TMEM64: variants seen among roughly 807,000 people sequenced by gnomAD.
TMEM64 encodes the protein transmembrane protein 64.
A neutral mutation model predicts 24.5 loss-of-function variants in TMEM64; 19 were observed. The observed-to-expected ratio is 0.78, with a 90% CI of 0.54 to 1.14. TMEM64 has a LOEUF of 1.14. Among genes scored for constraint, TMEM64 ranks in the 50% most tolerant of loss-of-function variants. TMEM64 has a pLI of 0.00. For synonymous variants in TMEM64, 262 were observed against 224.7 expected (o/e 1.17, Z -1.49); for missense variants, 487 against 493.0 (o/e 0.99, Z 0.12).
intron 1 of TMEM64, among the ~76,000 whole-genome samples, chr8:90,634,625 A>C (rs960786065): frequency 1.3e-5 from 2 of 152,176 alleles, no homozygotes; most frequent in Non-Finnish European, 2.9e-5. Flanking sequence ...TTTTTCTATA[A>C]TTACTCAAAA....
chr8:90,627,477 C>A (rs1385796301), intron 2 of TMEM64, among the ~76,000 whole-genome samples: 2 of 76,626 alleles, frequency 2.6e-5, no homozygotes, highest in African/African-American at 5.3e-5. Context: ...GGGGCGGGGG[C>A]GGGTGCTTTG....
rs1316095915 is a variant in TMEM64 at position 90,645,834 on chromosome 8, G to T, written c.72C>A (p.Leu24=). 5.5e-6 allele frequency: 6 copies of T among 1,089,066 alleles called. No homozygotes were observed. The highest frequency in any genetic ancestry group is 4.3e-5 in the South Asian group (1 of 23,074). 67.5% of individuals were successfully genotyped at this position (1,089,066 alleles called of 1,614,324 possible). Residue 24 remains leucine (L), a synonymous_variant, in exon 1 of 3, where the codon CTC becomes CTA. Transcript: ENST00000458549. The surrounding 1 kb of genome is among the most constrained non-coding windows in gnomAD (Gnocchi z 4.2). ...RLLQHAALPG[L]AELPARWALP... ...GGGCCCAGCGGGCCGGCAGCTCGGC[G>T]AGGCCCGGGAGGGCGGCGTGCTGCA...
Position 90,625,471 on chromosome 8 carries a change from A to G in TMEM64, c.*200T>C. 2.0e-6 allele frequency: 1 copy of G among 499,634 alleles called. No individual in the cohort carries two copies. Among genetic ancestry groups the G allele is most frequent in the Non-Finnish European group, 3.6e-6 (1 of 281,514 alleles). The allele number at this position is 499,634 out of a possible 1,614,324, so 31.0% of individuals were successfully genotyped here. ...CAATACAGGCATGATAAAGAGGTGC[A>G]GCCAAATTTGCATCTACATTTACAC... On this transcript the variant is annotated 3_prime_UTR_variant, in exon 3 of 3. Coordinates refer to ENST00000458549, the MANE Select transcript of TMEM64 (RefSeq NM_001008495.4).
Position 90,645,301 on chromosome 8 carries a change from A to C in TMEM64, c.605T>G (p.Val202Gly). The C allele has an allele frequency of 1.3e-6, 2 of 1,586,602 alleles. No homozygotes were observed. Among genetic ancestry groups the C allele is most frequent in the East Asian group, 4.6e-5 (2 of 43,290 alleles). The change falls in exon 1 of 3, where the codon GTC (valine) becomes GGC (glycine). Residue 202 changes from valine (V) to glycine (G), a missense_variant. Val to Gly is a moderately radical substitution (Grantham distance 109). Coordinates refer to ENST00000458549, the MANE Select transcript of TMEM64 (RefSeq NM_001008495.4). The surrounding 1 kb of genome is among the most constrained non-coding windows in gnomAD (Gnocchi z 4.2). ...ATGGGCGATGAAGGTGCCGATGAGGACGCCCACCATCATCAGACCCATGCC... is the reference window on the plus strand; with the variant it reads ...ATGGGCGATGAAGGTGCCGATGAGGCCGCCCACCATCATCAGACCCATGCC... ...VLGMGLMMVG[V>G]LIGTFIAHVV...
At position 90,645,127 on chromosome 8, in the gene TMEM64, T is replaced by C; in HGVS notation, c.779A>G (p.Gln260Arg). 6.2e-7 allele frequency: 1 copy of C among 1,607,200 alleles called. No individual in the cohort carries two copies. The highest frequency in any genetic ancestry group is 8.5e-7 in the Non-Finnish European group (1 of 1,174,522). Residue 260 changes from glutamine to arginine, a missense_variant, in exon 1 of 3, where the codon CAG becomes CGG. By Grantham distance (43) the Gln-to-Arg change is conservative. Transcript: ENST00000458549. This position sits in a 1 kb window ranked among gnomAD's most constrained non-coding sequence, Gnocchi z 4.2. The part of the protein sequence containing the change: ...ARLTPIPFGL[Q>R]NAVFSITDLS... ...CCCACTTACCGAAAACACTGCATTC[T>C]GAAGCCCAAAAGGTATGGGTGTCAG...
chr8:90,634,037 T>C (rs1809479787), intron 1 of TMEM64, among the ~76,000 whole-genome samples: 1 of 152,176 alleles, frequency 6.6e-6, no homozygotes, highest in South Asian at 2.1e-4. Flanking sequence ...TCCACTGCAT[T>C]TAGCTTTAGA....
chr8:90,637,908 C>G (rs1051430769), intron 1 of TMEM64, among the ~76,000 whole-genome samples: 1 of 152,194 alleles, frequency 6.6e-6, no homozygotes, highest in African/African-American at 2.4e-5. Context: ...ACCTCTTCAT[C>G]TTTTCTGTGT....
At chr8:90,626,317 T>C (rs778820370) in intron 2 of TMEM64, among the ~76,000 whole-genome samples, 1 of 152,194 alleles carries the variant, frequency 6.6e-6, no homozygotes, top group Non-Finnish European at 1.5e-5. Flanking sequence ...ATGAACTACC[T>C]GGTGAAGACA....
chr8:90,645,806 G>T lies in TMEM64; in HGVS notation c.100C>A (p.Pro34Thr), dbSNP rs1189941241. The T allele has an allele frequency of 1.9e-6, 2 of 1,032,168 alleles. No homozygotes were observed. Among genetic ancestry groups the T allele is most frequent in the Admixed American group, 5.7e-5 (1 of 17,486 alleles). 63.9% of individuals were successfully genotyped at this position (1,032,168 alleles called of 1,614,324 possible). ...GGGCCGTCCCCGCCCGCACCCCGCG[G>T]CAGGGCCCAGCGGGCCGGCAGCTCG... ...LAELPARWAL[P>T]RGAGGDGPAD... Residue 34 changes from proline (P) to threonine (T), a missense_variant, in exon 1 of 3, where the codon CCG (proline) becomes ACG (threonine). By Grantham distance (38) the Pro-to-Thr change is conservative. Transcript: ENST00000458549. This position sits in a 1 kb window ranked among gnomAD's most constrained non-coding sequence, Gnocchi z 4.2.
intron 1 of TMEM64, among the ~76,000 whole-genome samples, chr8:90,642,787 A>G (rs1286412429): frequency 6.6e-6 from 1 of 152,198 alleles, no homozygotes; most frequent in Admixed American, 6.5e-5. Flanking sequence ...AAGATGCACC[A>G]TATCAGCTGA....
At chr8:90,626,506 C>A (rs12546732) in intron 2 of TMEM64, among the ~76,000 whole-genome samples, 2,344 of 152,066 alleles carry the variant, frequency 0.015, 177 homozygotes, top group Admixed American at 0.12. Context: ...TCACACTGAT[C>A]AAATTGAAAG....
At chr8:90,641,107 G>A (rs571243122) in intron 1 of TMEM64, among the ~76,000 whole-genome samples, 2 of 152,266 alleles carry the variant, frequency 1.3e-5, no homozygotes, top group Admixed American at 1.3e-4. Flanking sequence ...AGTTGCAGGG[G>A]CTCAGCCTTG....
At chr8:90,634,405 T>C (rs1586128471) in intron 1 of TMEM64, among the ~76,000 whole-genome samples, 1 of 152,208 alleles carries the variant, frequency 6.6e-6, no homozygotes, top group East Asian at 1.9e-4. Context: ...TACCAGTTAA[T>C]ACGTGGCAAG....
chr8:90,625,696 G>A lies in TMEM64; in HGVS notation c.1118C>T (p.Ser373Phe), dbSNP rs144069324. 277 of 1,613,544 alleles carry A rather than the reference G, an allele frequency of 1.7e-4. No individual in the cohort carries two copies. The highest frequency in any genetic ancestry group is 2.0e-4 in the Non-Finnish European group (231 of 1,179,784). ...TCATACAACATTGATTCCACCTCCA[G>A]AAAATGTTAGGGTCCTCTTGTTGTA... ...SFYNKRTLTF[S>F]GGGINVV The change falls in exon 3 of 3, where the codon TCT becomes TTT. Residue 373 changes from serine to phenylalanine, a missense_variant. Physicochemically the swap from Ser to Phe is radical, Grantham distance 155. Around this residue, in one of 3 missense-constraint regions of TMEM64, gnomAD observed 58 missense variants for 58.2 expected, o/e 1.00. Coordinates refer to ENST00000458549, the MANE Select transcript of TMEM64 (RefSeq NM_001008495.4).
intron 1 of TMEM64, among the ~76,000 whole-genome samples, chr8:90,635,851 A>T (rs1809510380): frequency 6.6e-6 from 1 of 152,256 alleles, no homozygotes; most frequent in Non-Finnish European, 1.5e-5. Context: ...AAATTTCAGA[A>T]TGCAACACTT....
rs1409363070 is a variant in TMEM64, at chr8:90,645,613, C to T, written c.293G>A (p.Gly98Asp). The change falls in exon 1 of 3, where the codon GGC becomes GAC. Residue 98 changes from glycine to aspartate, a missense_variant. By Grantham distance (94) the Gly-to-Asp change is moderately conservative (BLOSUM62 -1). Around this residue, in one of 3 missense-constraint regions of TMEM64, gnomAD observed 419 missense variants for 407.5 expected, o/e 1.03. Coordinates refer to ENST00000458549, the MANE Select transcript of TMEM64 (RefSeq NM_001008495.4). The surrounding 1 kb of genome is among the most constrained non-coding windows in gnomAD (Gnocchi z 4.2). ...CACCTCAGCCACGCCGACCACCACG[C>T]CGCCGCCGCCACTCCCGGGGCCGCC... ...LAGGPGSGGG[G>D]VVVGVAEVRN... The T allele has an allele frequency of 6.5e-7, 1 of 1,534,862 alleles. No individual in the cohort carries two copies. The highest frequency in any genetic ancestry group is 2.0e-5 in the Admixed American group (1 of 50,820).
At chr8:90,644,807 G>A (rs113058650) in intron 1 of TMEM64, among the ~76,000 whole-genome samples, 2 of 152,200 alleles carry the variant, frequency 1.3e-5, no homozygotes, top group African/African-American at 2.4e-5. Context: ...AAGTATTAAA[G>A]ATGGGCATTT....
Position 90,645,953 on chromosome 8 carries a change from C to A in TMEM64, c.-48G>T. The A allele has an allele frequency of 9.5e-7, 1 of 1,055,752 alleles. No homozygotes were observed. The highest frequency in any genetic ancestry group is 1.2e-6 in the Non-Finnish European group (1 of 859,038). 65.4% of individuals were successfully genotyped at this position (1,055,752 alleles called of 1,614,324 possible). On this transcript the variant is annotated 5_prime_UTR_variant, in exon 1 of 3. Coordinates refer to ENST00000458549, the MANE Select transcript of TMEM64 (RefSeq NM_001008495.4). The surrounding 1 kb of genome is among the most constrained non-coding windows in gnomAD (Gnocchi z 4.2). ...CAGCCGGCCAGCCCCTCCGCCGCGG[C>A]GCCCGTTAGGCAGCTGCCCTTCATG...
At position 90,631,033 on chromosome 8, in the gene TMEM64, G is replaced by A. The variant is rs559425480; in HGVS notation, c.951+519C>T. ...CATTATACAAGTCTTATTTGGACTT[G>A]TAATAGAAAACCTTAGACATTTTTA... On this transcript the variant is annotated intron_variant, in intron 2 of 2. Transcript: ENST00000458549. 2.7e-4 allele frequency among the ~76,000 whole-genome samples: 41 copies of A among 152,302 alleles called. 1 individual carries two copies. In the South Asian group the frequency reaches 8.5e-3, roughly 32 times the overall value.
Sources: gnomAD v4.1 joint callset for allele counts (sites outside exome capture counted in the v4.1 genomes callset) on GRCh38, gnomAD v4.1.1 for gene constraint, gnomAD v4.1.1 regional missense constraint, Gnocchi (gnomAD v3.1) non-coding constraint, MANE v1.5 for transcripts, NCBI Gene and HGNC (gene_info 2026-07-23, HGNC 2026-07-21) for gene names.